The following CNIH3 variants were observed in gnomAD, a reference collection of about 807,000 sequenced individuals.
The protein encoded by CNIH3 is protein cornichon homolog 3.
Under a neutral mutation model 24.1 loss-of-function variants are expected in CNIH3, and 14 were observed. The ratio of observed to expected loss-of-function variants is 0.58; its 90% CI spans 0.38 to 0.91. The LOEUF is 0.91. Among genes scored for constraint, CNIH3 ranks in the 40% least tolerant of loss-of-function variants. The probability of loss-of-function intolerance (pLI) is 0.00; values close to 1 mark genes in which losing one functional copy is unlikely to be tolerated. For missense variants in CNIH3, 178 were observed against 196.8 expected (o/e 0.90, Z 0.57); for synonymous variants, 68 against 73.8 (o/e 0.92, Z 0.40).
At chr1:224,685,923 G>A (rs141720684) in intron 3 of CNIH3, among the ~76,000 whole-genome samples, 1,857 of 152,004 alleles carry the variant, frequency 0.012, 16 homozygotes, top group Middle Eastern at 0.034. Flanking sequence ...GAATGATTAG[G>A]AAAATAACAT....
chr1:224,559,517 A>G (rs185544720), intron 3 of CNIH3, among the ~76,000 whole-genome samples: 3 of 152,174 alleles, frequency 2.0e-5, no homozygotes, highest in Non-Finnish European at 4.4e-5. Context: ...GGCACATGCC[A>G]CCATGACTGG....
chr1:224,496,047 A>G (rs892033281), intron 1 of CNIH3, among the ~76,000 whole-genome samples: 3 of 152,142 alleles, frequency 2.0e-5, no homozygotes, highest in African/African-American at 7.2e-5. Flanking sequence ...AAATTATTCA[A>G]GATCTCATGT....
At chr1:224,727,053 A>G (rs758962228) in intron 3 of CNIH3, among the ~76,000 whole-genome samples, 2 of 152,168 alleles carry the variant, frequency 1.3e-5, no homozygotes, top group Admixed American at 6.6e-5. Context: ...GCCCACACAA[A>G]TGAATGAGCA....
chr1:224,459,766 C>G (rs1347191566), intron 1 of CNIH3, among the ~76,000 whole-genome samples: 2 of 152,012 alleles, frequency 1.3e-5, no homozygotes, highest in Non-Finnish European at 2.9e-5. Context: ...CACATTTGAG[C>G]TTGTGCAAAG....
intron 3 of CNIH3, among the ~76,000 whole-genome samples, chr1:224,556,819 G>T (rs1369940823): frequency 3.3e-5 from 5 of 152,170 alleles, no homozygotes; most frequent in South Asian, 4.1e-4. Flanking sequence ...TCAGTGGCCT[G>T]CGGGTTGGGG....
chr1:224,575,781 A>G (rs1299226257), intron 4 of CNIH3, among the ~76,000 whole-genome samples: 1 of 152,104 alleles, frequency 6.6e-6, no homozygotes, highest in African/African-American at 2.4e-5. Context: ...AAGAAAAATT[A>G]CGAAGATCTA....
intron 1 of CNIH3, among the ~76,000 whole-genome samples, chr1:224,462,637 A>AT (rs34550181): frequency 0.68 from 81,671 of 119,406 alleles, 30,903 homozygotes; most frequent in Non-Finnish European, 0.83. Flanking sequence ...TCTGGACCCA[A>AT]TTTTTTTTTT....
At chr1:224,710,487 C>T (rs1558320841) in intron 3 of CNIH3, among the ~76,000 whole-genome samples, 4 of 152,214 alleles carry the variant, frequency 2.6e-5, no homozygotes, top group African/African-American at 7.2e-5. Context: ...ATATAATTTC[C>T]ATACCCAGAA....
rs534512398 is a variant in CNIH3 at position 224,455,832 on chromosome 1, T to C, written n.203+20970T>C. Among the ~76,000 whole-genome samples the C allele has an allele frequency of 9.8e-5, 15 of 152,326 alleles. 1 individual carries two copies. The South Asian group carries it at 3.1e-3, about 32-fold the overall frequency. On this transcript the variant is annotated intron_variant and non_coding_transcript_variant, in intron 1 of 5. Coordinates refer to the CNIH3 transcript ENST00000471578. ...TGAATGGTGGTCCAGGTATAAACATTGTTTTACCCCTTGATATTTTTATAT... is the reference window on the plus strand; with the variant it reads ...TGAATGGTGGTCCAGGTATAAACATCGTTTTACCCCTTGATATTTTTATAT...
At chr1:224,515,435 A>G (rs186245665), upstream of CNIH3, among the ~76,000 whole-genome samples, 3 of 152,208 alleles carry the variant, frequency 2.0e-5, no homozygotes, top group East Asian at 1.9e-4. Flanking sequence ...CTTGAGCACA[A>G]TTACACTTAG....
At chr1:224,570,157 T>A (rs1332253680) in intron 4 of CNIH3, among the ~76,000 whole-genome samples, 2 of 152,370 alleles carry the variant, frequency 1.3e-5, no homozygotes, top group East Asian at 3.9e-4. Flanking sequence ...CCAATATTAA[T>A]GATTTTTAAA....
At chr1:224,536,550 C>T (rs1679295172) in intron 2 of CNIH3, among the ~76,000 whole-genome samples, 1 of 151,994 alleles carries the variant, frequency 6.6e-6, no homozygotes, top group Non-Finnish European at 1.5e-5. Context: ...CTCGGCTTCC[C>T]AAAGTGCTGG....
chr1:224,727,278 A>AAACAAC (rs145451304), intron 3 of CNIH3, among the ~76,000 whole-genome samples: 4 of 152,054 alleles, frequency 2.6e-5, no homozygotes, highest in Non-Finnish European at 5.9e-5. Flanking sequence ...TGCTATGGCA[A>AAACAAC]AACAACAACA....
At chr1:224,507,379 T>C (rs1422139549) in intron 1 of CNIH3, among the ~76,000 whole-genome samples, 2 of 152,312 alleles carry the variant, frequency 1.3e-5, no homozygotes, top group South Asian at 2.1e-4. Flanking sequence ...AGTTTTCTCA[T>C]TTGTAAATGA....
downstream of CNIH3, among the ~76,000 whole-genome samples, chr1:224,542,016 G>A (rs1027871946): frequency 5.9e-5 from 9 of 152,040 alleles, no homozygotes; most frequent in South Asian, 2.1e-4. Context: ...TTCTTCACAC[G>A]TTGAAACTTT....
intron 1 of CNIH3, among the ~76,000 whole-genome samples, chr1:224,652,455 T>TC (rs1213409300): frequency 3.3e-5 from 5 of 152,218 alleles, no homozygotes; most frequent in African/African-American, 1.2e-4. Context: ...AAGTGTCCGT[T>TC]CCAAGCAGTG....
rs1216185028 is a variant in CNIH3 at position 224,452,016 on chromosome 1, A to G, written n.203+17154A>G. Among the ~76,000 whole-genome samples the G allele has an allele frequency of 2.0e-5, 3 of 151,998 alleles. No individual in the cohort carries two copies. In the East Asian group the frequency reaches 5.8e-4, roughly 29 times the overall value. On this transcript the variant is annotated intron_variant and non_coding_transcript_variant, in intron 1 of 5. Transcript: ENST00000471578. ...ATTACCAGAGTCGCCACGCTTTCCT[A>G]TTGCCTCCCAGATACTGAGGTTGAC... is the stretch of plus-strand genomic sequence containing the variant.
chr1:224,562,430 T>C (rs936466168), intron 3 of CNIH3, among the ~76,000 whole-genome samples: 1 of 152,136 alleles, frequency 6.6e-6, no homozygotes, highest in Non-Finnish European at 1.5e-5. Context: ...TCTTAGGCCA[T>C]GTGAAGGCTG....
intron 4 of CNIH3, among the ~76,000 whole-genome samples, chr1:224,575,773 G>A (rs1499293): frequency 0.23 from 34,200 of 151,612 alleles, 4,203 homozygotes; most frequent in Admixed American, 0.33. Context: ...ACTCACTGAA[G>A]AAAAATTACG....
Sources: allele counts gnomAD v4.1 joint callset (sites outside exome capture counted in the v4.1 genomes callset), GRCh38; gene constraint gnomAD v4.1.1; transcripts MANE v1.5; gene names NCBI Gene and HGNC (gene_info 2026-07-23, HGNC 2026-07-21).